Variants in PCIF1 observed in about 807,000 individuals in gnomAD.
The protein encoded by PCIF1 is phosphorylated CTD interacting factor 1.
PCIF1 carries 12 observed loss-of-function variants against 86.9 expected under a neutral mutation model. That is an observed-to-expected ratio of 0.14 (90% CI 0.09 to 0.22). The LOEUF is 0.22. Among genes scored for constraint, PCIF1 ranks in the 10% least tolerant of loss-of-function variants. PCIF1 has a pLI of 1.00. For synonymous variants in PCIF1, 397 were observed against 372.0 expected (o/e 1.07, Z -0.77); for missense variants, 701 against 951.1 (o/e 0.74, Z 3.46).
At chr20:45,945,917 G>A in intron 12 of PCIF1, 34 bp downstream of exon 12, 1 of 1,613,342 alleles carries the variant, frequency 6.2e-7, no homozygotes, top group South Asian at 1.1e-5. Context: ...CCTAGCTGAT[G>A]GCATGAGTCA....
At position 45,947,818 on chromosome 20, in the gene PCIF1, T is replaced by C; in HGVS notation, c.*63T>C. On this transcript the variant is annotated 3_prime_UTR_variant, in exon 17 of 17. Transcript: ENST00000372409. This position sits in a 1 kb window ranked among gnomAD's most constrained non-coding sequence, Gnocchi z 5.4. ...TCTGGACTGCTGGGACTCGGGCCCC[T>C]GGGGCCTCAGAGGGACCCCGGCTGC... 6.5e-7 allele frequency: 1 copy of C among 1,543,902 alleles called. No homozygotes were observed. Among genetic ancestry groups the C allele is most frequent in the South Asian group, 1.2e-5 (1 of 84,052 alleles).
intron 6 of PCIF1, 27 bp downstream of exon 6, chr20:45,940,966 G>T (rs1475510336): frequency 1.2e-6 from 2 of 1,613,970 alleles, no homozygotes; most frequent in Non-Finnish European, 8.5e-7. Context: ...TGGCTTGGGG[G>T]CACCCATTGC....
chr20:45,946,883 G>T (rs927991500), intron 14 of PCIF1, among the ~76,000 whole-genome samples, 190 bp from the exon 15 acceptor site: 1 of 152,202 alleles, frequency 6.6e-6, no homozygotes, highest in African/African-American at 2.4e-5. Flanking sequence ...ATCCCAGCCT[G>T]AGCCTCACTC....
At chr20:45,935,021 G>A (rs1027255708) in intron 1 of PCIF1, among the ~76,000 whole-genome samples, 42 of 151,886 alleles carry the variant, frequency 2.8e-4, no homozygotes, top group African/African-American at 7.3e-4. Context: ...CGGGCTCTAG[G>A]GCCCCTCCGC....
chr20:45,945,070 C>A, intron 11 of PCIF1, 40 bp downstream of exon 11: 1 of 1,547,258 alleles, frequency 6.5e-7, no homozygotes, highest in South Asian at 1.2e-5. Flanking sequence ...GTGATGCCGT[C>A]AGCTCTATAC....
chr20:45,937,499 G>C lies in PCIF1; in HGVS notation c.-106G>C. On this transcript the variant is annotated 5_prime_UTR_variant, in exon 2 of 17. Transcript: ENST00000372409. The stretch of plus-strand genomic sequence containing the variant: ...TCGCCTGTGCTGAGTCTTCCTGCAG[G>C]CCTTTCCTTGCCTCTGTGGGACCCT... 2.5e-6 allele frequency: 1 copy of C among 399,066 alleles called. No individual in the cohort carries two copies. The highest frequency in any genetic ancestry group is 4.4e-6 in the Non-Finnish European group (1 of 226,108). 24.7% of individuals were successfully genotyped at this position (399,066 alleles called of 1,614,324 possible). A position where few individuals can be genotyped will look rare whatever the true frequency, so the allele number is the denominator to read the frequency against.
In PCIF1 at chr20:45,943,803, C is replaced by T; in HGVS notation, c.1005+38C>T. On this transcript the variant is annotated intron_variant, in intron 10 of 16. Coordinates refer to ENST00000372409, the MANE Select transcript of PCIF1 (RefSeq NM_022104.4). The surrounding 1 kb of genome is among the most constrained non-coding windows in gnomAD (Gnocchi z 5.5). ...CCGGGTGAGAAGGCCAGTTTTAGGG[C>T]TCTGTGGCCACTTCCTCCAGGAAGC... 1 of 1,505,498 alleles carries T rather than the reference C, an allele frequency of 6.6e-7. No individual in the cohort carries two copies. The highest frequency in any genetic ancestry group is 9.0e-7 in the Non-Finnish European group (1 of 1,107,650). 93.3% of individuals were successfully genotyped at this position (1,505,498 alleles called of 1,614,324 possible).
intron 4 of PCIF1, 148 bp from the exon 5 acceptor site, chr20:45,940,327 C>A (rs1163816996): frequency 2.9e-6 from 3 of 1,020,834 alleles, no homozygotes; most frequent in East Asian, 2.9e-5. Flanking sequence ...GCAGGCAGGA[C>A]TGGAGCCCAG....
rs117527081 is a variant in PCIF1 at position 45,941,662 on chromosome 20, G to A, written c.673+455G>A. Among the ~76,000 whole-genome samples, 371 of 152,088 alleles carry A rather than the reference G, an allele frequency of 2.4e-3. 14 individuals are homozygous for A. In the East Asian group the frequency reaches 0.064, roughly 26 times the overall value. ...TTAATAGAGATGGGGGTGTCACGAT[G>A]TTGGCCAGGCTGGTCCTGAACTCCT... On this transcript the variant is annotated intron_variant, in intron 7 of 16. Transcript: ENST00000372409.
intron 14 of PCIF1, 134 bp downstream of exon 14, chr20:45,946,518 C>A: frequency 9.1e-7 from 1 of 1,099,708 alleles, no homozygotes; most frequent in Non-Finnish European, 1.3e-6. Flanking sequence ...GGCTATGTGA[C>A]CTTGGACATG....
intron 5 of PCIF1, 74 bp from the exon 6 acceptor site, chr20:45,940,735 C>T: frequency 6.4e-7 from 1 of 1,574,394 alleles, no homozygotes; most frequent in Non-Finnish European, 8.6e-7. Flanking sequence ...CACAGTTCAC[C>T]AGGTGTGCAC....
In PCIF1 at chr20:45,944,958, C is replaced by A; in HGVS notation, c.1096C>A (p.His366Asn). Residue 366 changes from histidine (H) to asparagine (N), a missense_variant, in exon 11 of 17, where the codon CAC (histidine) becomes AAC (asparagine). Coordinates refer to ENST00000372409, the MANE Select transcript of PCIF1 (RefSeq NM_022104.4). Reference protein sequence around the residue: ...SVEGICSKIYHISLEYVKRIR... With the variant: ...SVEGICSKIYNISLEYVKRIR... ...GGAAGGCATCTGCAGTAAGATCTAC[C>A]ACATCTCCCTGGAGTACGTCAAACG... The A allele has an allele frequency of 6.2e-7, 1 of 1,614,172 alleles. No individual in the cohort carries two copies. The highest frequency in any genetic ancestry group is 8.5e-7 in the Non-Finnish European group (1 of 1,180,020).
intron 5 of PCIF1, 71 bp from the exon 6 acceptor site, chr20:45,940,738 G>C: frequency 6.3e-7 from 1 of 1,587,904 alleles, no homozygotes; most frequent in Non-Finnish European, 8.6e-7. Flanking sequence ...AGTTCACCAG[G>C]TGTGCACTGT....
intron 7 of PCIF1, among the ~76,000 whole-genome samples, chr20:45,942,309 CTT>C (rs71181876): frequency 4.6e-5 from 5 of 109,344 alleles, no homozygotes; most frequent in African/African-American, 1.0e-4. Context: ...TTATGTAATA[CTT>C]TTTTTTTTTT....
At chr20:45,940,711 A>G in intron 5 of PCIF1, 98 bp from the exon 6 acceptor site, 3 of 1,567,768 alleles carry the variant, frequency 1.9e-6, no homozygotes, top group Middle Eastern at 1.7e-4. Context: ...GCCAGCCAGG[A>G]GGGGGGCCTG....
chr20:45,947,151 G>C lies in PCIF1; in HGVS notation c.1692G>C (p.Met564Ile). The C allele has an allele frequency of 6.2e-7, 1 of 1,613,152 alleles. No individual in the cohort carries two copies. The highest frequency in any genetic ancestry group is 2.2e-5 in the East Asian group (1 of 44,848). The stretch of plus-strand genomic sequence containing the variant: ...TCTGCGAGGAGCTCATGGATGCCAT[G>C]GTCTCTCACTTTGAGGTGGGTGCAC... ...PPFCEELMDA[M>I]VSHFERLLES... The change falls in exon 15 of 17, where the codon ATG becomes ATC. Residue 564 changes from methionine to isoleucine, a missense_variant. Transcript: ENST00000372409. The surrounding 1 kb of genome is among the most constrained non-coding windows in gnomAD (Gnocchi z 5.4).
At chr20:45,937,614 T>G (rs1413681105) in intron 2 of PCIF1, 29 bp downstream of exon 2, 1 of 398,686 alleles carries the variant, frequency 2.5e-6, no homozygotes, top group Non-Finnish European at 4.4e-6. Context: ...TCATTCAGTC[T>G]TGAAACCTGT....
chr20:45,935,156 A>G (rs1453447762), intron 1 of PCIF1, among the ~76,000 whole-genome samples: 1 of 148,852 alleles, frequency 6.7e-6, no homozygotes, highest in Non-Finnish European at 1.5e-5. Flanking sequence ...GCGCGCGCCA[A>G]ACAGCCCACC....
At chr20:45,945,643 A>G in intron 11 of PCIF1, 68 bp from the exon 12 acceptor site, 3 of 1,559,232 alleles carry the variant, frequency 1.9e-6, no homozygotes, top group Non-Finnish European at 2.6e-6. Flanking sequence ...GGTACAAAGC[A>G]TGTGGCCCAC....
Sources: allele counts gnomAD v4.1 joint callset (sites outside exome capture counted in the v4.1 genomes callset), GRCh38; gene constraint gnomAD v4.1.1; non-coding constraint Gnocchi (gnomAD v3.1); transcripts MANE v1.5; gene names NCBI Gene and HGNC (gene_info 2026-07-23, HGNC 2026-07-21).